COP1: variants seen among roughly 807,000 people sequenced by gnomAD.
The protein encoded by COP1 is E3 ubiquitin-protein ligase COP1.
A neutral mutation model predicts 101.3 loss-of-function variants in COP1; 24 were observed. The observed-to-expected ratio is 0.24, with a 90% CI of 0.17 to 0.33. COP1 has a LOEUF of 0.33. Ranked by LOEUF, COP1 falls within the 10% of genes least tolerant of loss-of-function variation. COP1 has a pLI of 1.00. For synonymous variants in COP1, 347 were observed against 341.9 expected (o/e 1.01, Z -0.17); for missense variants, 663 against 906.2 (o/e 0.73, Z 3.45).
chr1:176,173,986 CA>C (rs1212803591), intron 3 of COP1, among the ~76,000 whole-genome samples: 8,366 of 48,570 alleles, frequency 0.17, 371 homozygotes, highest in South Asian at 0.29. Flanking sequence ...GATGCTGTCT[CA>C]AAAAAAAAAA....
chr1:176,184,820 C>T lies in COP1; in HGVS notation c.408-128G>A, dbSNP rs181220975. ...GTTTAGAGCTAAGTCTATAAACATTCTATCAATAAGAGATGAAATTTCTAT... is the reference window on the plus strand; with the variant it reads ...GTTTAGAGCTAAGTCTATAAACATTTTATCAATAAGAGATGAAATTTCTAT... On this transcript the variant is annotated intron_variant, in intron 1 of 19. Transcript: ENST00000367669. The T allele has an allele frequency of 6.6e-4, 398 of 602,116 alleles. 3 individuals carry two copies. The African/African-American group carries it at 6.7e-3, about 10-fold the overall frequency. The allele number at this position is 602,116 out of a possible 1,614,324, so 37.3% of individuals were successfully genotyped here.
At chr1:176,089,240 C>T (rs1290717475) in intron 9 of COP1, among the ~76,000 whole-genome samples, 3 of 151,870 alleles carry the variant, frequency 2.0e-5, no homozygotes, top group Admixed American at 1.3e-4. Context: ...CTGCACTGAG[C>T]CAAGATCGAG....
At chr1:176,143,139 C>A (rs6691949) in intron 6 of COP1, among the ~76,000 whole-genome samples, 3,012 of 48,228 alleles carry the variant, frequency 0.062, 98 homozygotes, top group African/African-American at 0.22. Flanking sequence ...AGAGAGAGAG[C>A]GAGAGAAAGA....
intron 15 of COP1, among the ~76,000 whole-genome samples, chr1:176,009,671 T>C (rs1023566382): frequency 6.6e-6 from 1 of 152,198 alleles, no homozygotes; most frequent in Admixed American, 6.5e-5. Flanking sequence ...AGCAAAATTA[T>C]ACCAGTTAAT....
intron 9 of COP1, among the ~76,000 whole-genome samples, chr1:176,096,985 C>T (rs947547338): frequency 6.6e-6 from 1 of 152,074 alleles, no homozygotes; most frequent in Non-Finnish European, 1.5e-5. Flanking sequence ...GATACCTGTG[C>T]AACCTTTGCT....
intron 15 of COP1, among the ~76,000 whole-genome samples, chr1:175,994,383 C>T (rs946283053): frequency 6.6e-6 from 1 of 152,146 alleles, no homozygotes; most frequent in Non-Finnish European, 1.5e-5. Flanking sequence ...GGATCAAATT[C>T]ACACATAACA....
chr1:176,132,156 T>C (rs1233092608), intron 8 of COP1, among the ~76,000 whole-genome samples: 1 of 151,768 alleles, frequency 6.6e-6, no homozygotes, highest in African/African-American at 2.4e-5. Flanking sequence ...GCTTCCAATG[T>C]CAAGGGGTTG....
chr1:175,958,766 C>T (rs1650985150), intron 18 of COP1, among the ~76,000 whole-genome samples: 1 of 151,586 alleles, frequency 6.6e-6, no homozygotes, highest in Non-Finnish European at 1.5e-5. Flanking sequence ...AAAAACTTAC[C>T]CAACTAATCA....
At chr1:176,133,996 A>G (rs1396773483) in intron 8 of COP1, 1 of 402,060 alleles carries the variant, frequency 2.5e-6, no homozygotes, top group Non-Finnish European at 4.9e-6. Flanking sequence ...CAGCTAAAAT[A>G]ACACCAGAAT....
chr1:176,098,436 G>A (rs368135419), intron 9 of COP1, among the ~76,000 whole-genome samples: 2 of 152,050 alleles, frequency 1.3e-5, no homozygotes, highest in Non-Finnish European at 2.9e-5. Context: ...ATAAGATAAA[G>A]CTAAAAGTTT....
intron 15 of COP1, among the ~76,000 whole-genome samples, chr1:175,998,594 C>T (rs1180145082): frequency 6.6e-6 from 1 of 151,872 alleles, no homozygotes; most frequent in African/African-American, 2.4e-5. Context: ...CTGTATATAG[C>T]ATTTCAGGAC....
intron 9 of COP1, among the ~76,000 whole-genome samples, chr1:176,092,035 T>G (rs1217588293): frequency 6.6e-6 from 1 of 152,118 alleles, no homozygotes; most frequent in Non-Finnish European, 1.5e-5. Context: ...CAATTTAACA[T>G]AACCCATCTG....
intron 6 of COP1, 75 bp from the exon 7 acceptor site, chr1:176,136,622 T>C (rs1434398548): frequency 1.9e-5 from 17 of 917,890 alleles, no homozygotes; most frequent in Non-Finnish European, 2.8e-5. Flanking sequence ...ACCATGATCA[T>C]AAAATAAATT....
At position 176,043,831 on chromosome 1, in the gene COP1, C is replaced by T. The variant is rs770978587; in HGVS notation, c.1422-13G>A. ...CCAACTGATACAGCTGAAAGAAATACAGTTAAAAGTTACTTTACATAAAAA... is the reference window on the plus strand; with the variant it reads ...CCAACTGATACAGCTGAAAGAAATATAGTTAAAAGTTACTTTACATAAAAA... On this transcript the variant is annotated splice_polypyrimidine_tract_variant and intron_variant, in intron 12 of 19. Coordinates refer to ENST00000367669, the MANE Select transcript of COP1 (RefSeq NM_022457.7). The T allele has an allele frequency of 6.4e-6, 9 of 1,411,770 alleles. No homozygotes were observed. The highest frequency in any genetic ancestry group is 1.8e-5 in the Admixed American group (1 of 55,896). The allele number at this position is 1,411,770 out of a possible 1,614,324, so 87.5% of individuals were successfully genotyped here.
intron 18 of COP1, among the ~76,000 whole-genome samples, chr1:175,973,704 A>G (rs773189952): frequency 2.0e-5 from 3 of 152,224 alleles, no homozygotes; most frequent in Non-Finnish European, 4.4e-5. Flanking sequence ...AATTTCTACA[A>G]TGGAAAAAAG....
At chr1:176,202,120 C>T (rs1023396711) in intron 1 of COP1, among the ~76,000 whole-genome samples, 2 of 151,478 alleles carry the variant, frequency 1.3e-5, no homozygotes, top group Non-Finnish European at 2.9e-5. Context: ...ATACATTCCA[C>T]ATACATTGCT....
intron 9 of COP1, among the ~76,000 whole-genome samples, chr1:176,108,416 T>A (rs552754399): frequency 1.9e-4 from 29 of 152,198 alleles, no homozygotes; most frequent in Non-Finnish European, 3.4e-4. Flanking sequence ...CAGTATACAA[T>A]CTTTACATAG....
chr1:175,965,106 T>C (rs1428376355), intron 18 of COP1, among the ~76,000 whole-genome samples: 1 of 152,154 alleles, frequency 6.6e-6, no homozygotes, highest in African/African-American at 2.4e-5. Context: ...TTTTTTTCTG[T>C]CTTCAGGGTG....
chr1:176,142,034 A>C (rs1690777855), intron 6 of COP1, among the ~76,000 whole-genome samples: 1 of 152,116 alleles, frequency 6.6e-6, no homozygotes, highest in South Asian at 2.1e-4. Flanking sequence ...CCCAGCCAAC[A>C]TTTTGTTTTA....
Sources: gnomAD v4.1 joint callset for allele counts (sites outside exome capture counted in the v4.1 genomes callset) on GRCh38, gnomAD v4.1.1 for gene constraint, MANE v1.5 for transcripts, NCBI Gene and HGNC (gene_info 2026-07-23, HGNC 2026-07-21) for gene names.